PARP11: variants seen among roughly 807,000 people sequenced by gnomAD.
PARP11 encodes protein mono-ADP-ribosyltransferase PARP11.
In PARP11, 31 loss-of-function variants were observed where a neutral mutation model predicts 42.9. The ratio of observed to expected loss-of-function variants is 0.72; its 90% confidence interval spans 0.54 to 0.98. The LOEUF (loss-of-function observed/expected upper bound fraction) is 0.98, where lower values mean the gene tolerates loss of function less well. PARP11 is among the 50% of genes least tolerant of loss of function. The pLI is 0.00. For synonymous variants in PARP11, 137 were observed against 127.3 expected (o/e 1.08, Z -0.51); for missense variants, 365 against 413.1 (o/e 0.88, Z 1.01).
chr12:3,826,326 G>C (rs1947524637), intron 3 of PARP11, 93 bp from the exon 4 acceptor site: 1 of 861,946 alleles, frequency 1.2e-6, no homozygotes, highest in Non-Finnish European at 1.7e-6. Context: ...GCGATGATCA[G>C]GAATCATGGA....
At chr12:3,835,379 T>A (rs80162566) in intron 1 of PARP11, among the ~76,000 whole-genome samples, 23,249 of 152,170 alleles carry the variant, frequency 0.15, 2,343 homozygotes, top group East Asian at 0.5. Flanking sequence ...CACTGTTATA[T>A]ACACATAAAC....
intron 1 of PARP11, among the ~76,000 whole-genome samples, chr12:3,854,848 A>G (rs1211576632): frequency 6.6e-6 from 1 of 152,216 alleles, no homozygotes; most frequent in African/African-American, 2.4e-5. Context: ...ATTTTAGACC[A>G]ATATCCCTGA....
intron 1 of PARP11, chr12:3,872,496 G>A (rs1377652159): frequency 1.9e-5 from 19 of 984,400 alleles, no homozygotes; most frequent in Non-Finnish European, 2.3e-5. Flanking sequence ...GACACATGAA[G>A]TCATAATGAA....
Position 3,839,995 on chromosome 12 carries a change from C to G in PARP11, c.19-9977G>C, listed in dbSNP as rs556679083. The G allele has an allele frequency of 3.1e-4, 495 of 1,575,770 alleles. 1 individual carries two copies. Among genetic ancestry groups the G allele is most frequent in the Non-Finnish European group, 3.9e-4 (452 of 1,145,054 alleles). On this transcript the variant is annotated intron_variant, in intron 1 of 7. Coordinates refer to ENST00000228820, the MANE Select transcript of PARP11 (RefSeq NM_020367.6). Reference sequence around the variant, plus strand: ...TAAACCTTTGTCAGGCAACGAGCAGCTGAAGAACAATGGGAACTCTACTAG... The same window carrying G: ...TAAACCTTTGTCAGGCAACGAGCAGGTGAAGAACAATGGGAACTCTACTAG...
chr12:3,842,201 C>G (rs1947903591), intron 1 of PARP11: 1 of 1,605,902 alleles, frequency 6.2e-7, no homozygotes, highest in African/African-American at 1.3e-5. Context: ...GCCCTGGGGC[C>G]AACTCTGTGG....
intron 1 of PARP11, among the ~76,000 whole-genome samples, chr12:3,848,892 C>A (rs1302983323): frequency 2.7e-5 from 4 of 150,592 alleles, no homozygotes; most frequent in Non-Finnish European, 4.4e-5. Flanking sequence ...AAAATATGTG[C>A]AAACTATCAA....
chr12:3,852,649 ATGTT>A (rs1948118024), intron 1 of PARP11, among the ~76,000 whole-genome samples: 1 of 152,234 alleles, frequency 6.6e-6, no homozygotes, highest in Admixed American at 6.5e-5. Flanking sequence ...GACCAAATCT[ATGTT>A]TGATTGGTGT....
chr12:3,813,098 C>T (rs1179194883), intron 7 of PARP11, among the ~76,000 whole-genome samples: 1 of 152,190 alleles, frequency 6.6e-6, no homozygotes, highest in African/African-American at 2.4e-5. Flanking sequence ...AGCCACCATG[C>T]CCGGCCCTGA....
In PARP11 at chr12:3,810,040, C is replaced by T. The variant is rs986726981; in HGVS notation, c.*2083G>A. ...TATAACGGAAATCTGGGATAGATGG[C>T]ACTTTAAGAATTACTATCCCTAATC... is the stretch of plus-strand genomic sequence containing the variant. On this transcript the variant is annotated 3_prime_UTR_variant, in exon 8 of 8. Coordinates refer to ENST00000228820, the MANE Select transcript of PARP11 (RefSeq NM_020367.6). 1 of 152,224 alleles carries T rather than the reference C, an allele frequency of 6.6e-6. No individual in the cohort carries two copies. Among genetic ancestry groups the T allele is most frequent in the Non-Finnish European group, 1.5e-5 (1 of 68,056 alleles). The allele number at this position is 152,224 out of a possible 1,614,324, so 9.4% of individuals were successfully genotyped here.
At chr12:3,839,796 G>C (rs1005413647) in intron 1 of PARP11, 1 of 1,147,018 alleles carries the variant, frequency 8.7e-7, no homozygotes, top group Non-Finnish European at 1.3e-6. Context: ...CTATGTGTCA[G>C]TCTCTCCTTT....
intron 1 of PARP11, among the ~76,000 whole-genome samples, chr12:3,846,676 G>A (rs1948005071): frequency 6.6e-6 from 1 of 151,514 alleles, no homozygotes. Context: ...AAAATGGCGT[G>A]AACCCAGGAG....
At chr12:3,832,404 A>G (rs1405032946) in intron 1 of PARP11, among the ~76,000 whole-genome samples, 2 of 152,190 alleles carry the variant, frequency 1.3e-5, no homozygotes, top group African/African-American at 4.8e-5. Flanking sequence ...GAGAATATTA[A>G]AGCAACACCT....
At position 3,860,193 on chromosome 12, in the gene PARP11, G is replaced by A. The variant is rs371804642; in HGVS notation, c.18+13019C>T. On this transcript the variant is annotated intron_variant, in intron 1 of 7. Transcript: ENST00000228820. Reference sequence around the variant, plus strand: ...GATAAGATTAGTATGGATGTGGACCGCCCCAGCAGGACAACTGCCAATTTG... The same window carrying A: ...GATAAGATTAGTATGGATGTGGACCACCCCAGCAGGACAACTGCCAATTTG... Among the ~76,000 whole-genome samples the A allele has an allele frequency of 5.3e-5, 8 of 152,128 alleles. 1 individual carries two copies. The highest frequency in any genetic ancestry group is 1.9e-4 in the East Asian group (1 of 5,192).
Position 3,840,026 on chromosome 12 carries a change from C to T in PARP11, c.19-10008G>A. ...AACAATGGGAACTCTACTAGCCTGCCTTTGGCTAGAAAGGTTCTTAAGTCA... is the reference window on the plus strand; with the variant it reads ...AACAATGGGAACTCTACTAGCCTGCTTTTGGCTAGAAAGGTTCTTAAGTCA... On this transcript the variant is annotated intron_variant, in intron 1 of 7. Coordinates refer to ENST00000228820, the MANE Select transcript of PARP11 (RefSeq NM_020367.6). This position sits in a 1 kb window ranked among gnomAD's most constrained non-coding sequence, Gnocchi z 4.4. The T allele has an allele frequency of 6.2e-7, 1 of 1,606,696 alleles. No homozygotes were observed. The highest frequency in any genetic ancestry group is 2.2e-5 in the East Asian group (1 of 44,862).
rs1184360054 is a variant in PARP11 at position 3,861,795 on chromosome 12, C to T, written c.18+11417G>A. Among the ~76,000 whole-genome samples the T allele has an allele frequency of 1.3e-5, 2 of 151,876 alleles. No individual in the cohort carries two copies. Among genetic ancestry groups the T allele is most frequent in the Admixed American group, 6.6e-5 (1 of 15,240 alleles). On this transcript the variant is annotated intron_variant, in intron 1 of 7. Transcript: ENST00000228820. This position sits in a 1 kb window ranked among gnomAD's most constrained non-coding sequence, Gnocchi z 4.6. ...ATCCCAGTACTTTGGGAGGCCGAGG[C>T]GGGCGGATCACGAGGTCAGGAGATT...
chr12:3,846,248 T>C (rs1188942151), intron 1 of PARP11, among the ~76,000 whole-genome samples: 2 of 151,810 alleles, frequency 1.3e-5, no homozygotes, highest in African/African-American at 2.4e-5. Flanking sequence ...GATGCTGCAT[T>C]ATATATAAAA....
At chr12:3,853,509 A>G (rs1261244908) in intron 1 of PARP11, among the ~76,000 whole-genome samples, 3 of 152,242 alleles carry the variant, frequency 2.0e-5, no homozygotes, top group Admixed American at 1.3e-4. Flanking sequence ...AACAGACTTT[A>G]AACCAACAAA....
Position 3,830,910 on chromosome 12 carries a change from G to A in PARP11, c.19-892C>T, listed in dbSNP as rs1375741673. 2.0e-5 allele frequency among the ~76,000 whole-genome samples: 3 copies of A among 152,130 alleles called. No individual in the cohort carries two copies. In the East Asian group the frequency reaches 5.8e-4, roughly 29 times the overall value. On this transcript the variant is annotated intron_variant, in intron 1 of 7. Transcript: ENST00000228820. ...CATTATCAATGATTTCATAATTTTAGCTATACCAATTAACTCACATATGCA... is the reference window on the plus strand; with the variant it reads ...CATTATCAATGATTTCATAATTTTAACTATACCAATTAACTCACATATGCA...
At chr12:3,848,917 CATAATA>C (rs993678832) in intron 1 of PARP11, among the ~76,000 whole-genome samples, 1 of 147,684 alleles carries the variant, frequency 6.8e-6, no homozygotes, top group Non-Finnish European at 1.5e-5. Flanking sequence ...ACAATGGATT[CATAATA>C]ATAATATATA....
Sources: gnomAD v4.1 joint callset for allele counts (sites outside exome capture counted in the v4.1 genomes callset) on GRCh38, gnomAD v4.1.1 for gene constraint, Gnocchi (gnomAD v3.1) non-coding constraint, MANE v1.5 for transcripts, NCBI Gene and HGNC (gene_info 2026-07-23, HGNC 2026-07-21) for gene names.